Variants in VPS8 observed in about 807,000 individuals in gnomAD.
VPS8 encodes the protein vacuolar protein sorting-associated protein 8 homolog.
In VPS8, 129 loss-of-function variants were observed where a neutral mutation model predicts 216.4. The observed-to-expected ratio is 0.60, with a 90% CI of 0.52 to 0.69. The LOEUF is 0.69. Ranked by LOEUF, VPS8 falls within the 30% of genes least tolerant of loss-of-function variation. The pLI, the probability that VPS8 is intolerant of heterozygous loss-of-function variation, is 0.00. For missense variants in VPS8, 1,531 were observed against 1,683.5 expected, an observed-to-expected ratio of 0.91 and a Z score of 1.59; for synonymous variants, 571 against 565.4, an observed-to-expected ratio of 1.01 and a Z score of -0.14.
rs566999308 is a variant in VPS8, at chr3:184,950,065, A to G, written c.3036-7309A>G. Reference sequence around the variant, plus strand: ...ACTGGGATTACAGGTACGCACCACCACGCCCTAATTTTTTATGTTTTTAGT... The same window carrying G: ...ACTGGGATTACAGGTACGCACCACCGCGCCCTAATTTTTTATGTTTTTAGT... On this transcript the variant is annotated intron_variant, in intron 36 of 47. Coordinates refer to ENST00000625842, the MANE Select transcript of VPS8 (RefSeq NM_001009921.3). Among the ~76,000 whole-genome samples, 49 of 150,926 alleles carry G rather than the reference A, an allele frequency of 3.2e-4. 1 individual carries two copies. In the South Asian group the frequency reaches 0.01, roughly 32 times the overall value.
At chr3:184,824,314 C>T (rs897571852) in intron 1 of VPS8, 1 of 226,174 alleles carries the variant, frequency 4.4e-6, no homozygotes, top group Admixed American at 5.1e-5. Context: ...CTTTGGGTGG[C>T]GGGCCACTTC....
At chr3:184,816,912 AATC>A (rs1231333088) in intron 1 of VPS8, among the ~76,000 whole-genome samples, 1 of 152,124 alleles carries the variant, frequency 6.6e-6, no homozygotes, top group East Asian at 1.9e-4. Context: ...TGATTCATAG[AATC>A]ATCTATATGA....
chr3:184,965,290 A>C (rs1226218564), intron 38 of VPS8, among the ~76,000 whole-genome samples: 2 of 152,244 alleles, frequency 1.3e-5, no homozygotes, highest in African/African-American at 4.8e-5. Context: ...AATCATCCAC[A>C]GAGGCTTTGT....
Position 184,912,160 on chromosome 3 carries a change from G to A in VPS8, c.2147-1359G>A, listed in dbSNP as rs1424601885. 7.2e-5 allele frequency among the ~76,000 whole-genome samples: 11 copies of A among 152,176 alleles called. 1 individual carries two copies. Among genetic ancestry groups the A allele is most frequent in the East Asian group, 1.9e-4 (1 of 5,196 alleles). On this transcript the variant is annotated intron_variant, in intron 25 of 47. Coordinates refer to ENST00000625842, the MANE Select transcript of VPS8 (RefSeq NM_001009921.3). Reference sequence around the variant, plus strand: ...AAAGTTAAGCCCCTTCCTCGGGGCCGAGAGAATTTTGAGCGTTAGCCTTCT... The same window carrying A: ...AAAGTTAAGCCCCTTCCTCGGGGCCAAGAGAATTTTGAGCGTTAGCCTTCT...
At chr3:184,839,599 T>C in intron 6 of VPS8, 99 bp from the exon 7 acceptor site, 3 of 1,130,800 alleles carry the variant, frequency 2.7e-6, no homozygotes, top group Admixed American at 2.5e-5. Flanking sequence ...TTGTATGTCA[T>C]CTGGTGCCTA....
At chr3:185,034,753 A>G (rs1011598554) in intron 46 of VPS8, among the ~76,000 whole-genome samples, 4 of 152,066 alleles carry the variant, frequency 2.6e-5, no homozygotes, top group South Asian at 2.1e-4. Context: ...ATTTGTTGCA[A>G]TTGCTTTTGG....
chr3:185,049,736 C>A (rs1471392913), intron 47 of VPS8, among the ~76,000 whole-genome samples: 1 of 152,174 alleles, frequency 6.6e-6, no homozygotes, highest in Non-Finnish European at 1.5e-5. Context: ...CTGAGCTTGT[C>A]TCGAGCTTGT....
At chr3:184,884,479 A>G (rs1730846316) in intron 21 of VPS8, among the ~76,000 whole-genome samples, 1 of 152,144 alleles carries the variant, frequency 6.6e-6, no homozygotes, top group Non-Finnish European at 1.5e-5. Context: ...TTCTCATACT[A>G]AGGAGATAGT....
At chr3:185,029,511 A>G (rs1577217555) in intron 46 of VPS8, among the ~76,000 whole-genome samples, 1 of 151,178 alleles carries the variant, frequency 6.6e-6, no homozygotes, top group Non-Finnish European at 1.5e-5. Flanking sequence ...TTAGAATGTC[A>G]CTGTTCCACT....
chr3:184,926,348 G>T (rs2109193724), intron 30 of VPS8, among the ~76,000 whole-genome samples: 1 of 150,866 alleles, frequency 6.6e-6, no homozygotes, highest in Middle Eastern at 3.4e-3. Context: ...CTGCACTCCA[G>T]CCTGGGCGAC....
chr3:184,984,183 C>CAAAAAAAAAAAAAAAAAAAAAAAAAAAA (rs1453935100), intron 42 of VPS8, among the ~76,000 whole-genome samples: 148 of 2,886 alleles, frequency 0.051, 74 homozygotes, highest in Non-Finnish European at 0.057. Context: ...GACTCCGTCT[C>CAAAAAAAAAAAAAAAAAAAAAAAAAAAA]AAAAAAAAAA....
chr3:184,889,857 G>C (rs905815336), intron 22 of VPS8, among the ~76,000 whole-genome samples: 2 of 152,142 alleles, frequency 1.3e-5, no homozygotes, highest in African/African-American at 4.8e-5. Flanking sequence ...AACTTAGAAG[G>C]AAAGATTGAA....
intron 1 of VPS8, chr3:184,815,909 A>G (rs951826293): frequency 3.9e-5 from 6 of 152,134 alleles, no homozygotes; most frequent in African/African-American, 1.4e-4. Flanking sequence ...GTTAATTGCA[A>G]ATTAATAAAG....
At chr3:184,950,081 T>C (rs538295964) in intron 36 of VPS8, among the ~76,000 whole-genome samples, 176 of 152,100 alleles carry the variant, frequency 1.2e-3, no homozygotes, top group Non-Finnish European at 1.9e-3. Context: ...TAATTTTTTA[T>C]GTTTTTAGTA....
At chr3:184,819,159 C>T (rs1716993071) in intron 1 of VPS8, among the ~76,000 whole-genome samples, 1 of 151,892 alleles carries the variant, frequency 6.6e-6, no homozygotes, top group South Asian at 2.1e-4. Context: ...TTGGGAATAA[C>T]AATTAAGAGG....
chr3:184,849,136 T>A lies in VPS8; in HGVS notation c.607T>A (p.Ser203Thr), dbSNP rs1218003768. 1 of 1,613,704 alleles carries A rather than the reference T, an allele frequency of 6.2e-7. No homozygotes were observed. Among genetic ancestry groups the A allele is most frequent in the Non-Finnish European group, 8.5e-7 (1 of 1,179,658 alleles). The stretch of plus-strand genomic sequence containing the variant: ...TGTTGGAGGTCAGTATGGCGCTATC[T>A]CTGCCCTCAGTATCAACAATGATTG... ...TSVGGQYGAI[S>T]ALSINNDCSR... The change falls in exon 9 of 48, where the codon TCT (serine) becomes ACT (threonine). Residue 203 changes from serine to threonine, a missense_variant. Around this residue, in one of 3 missense-constraint regions of VPS8, gnomAD observed 1,318 missense variants for 1,468.4 expected, o/e 0.90. Coordinates refer to ENST00000625842, the MANE Select transcript of VPS8 (RefSeq NM_001009921.3).
intron 45 of VPS8, among the ~76,000 whole-genome samples, chr3:185,012,671 A>AG (rs1380455008): frequency 6.6e-6 from 1 of 152,168 alleles, no homozygotes; most frequent in Non-Finnish European, 1.5e-5. Context: ...ATTTAAAAAA[A>AG]AAAAGAGGCC....
chr3:185,036,936 CATATTAT>C (rs1204643651), intron 46 of VPS8, among the ~76,000 whole-genome samples: 2 of 152,002 alleles, frequency 1.3e-5, no homozygotes, highest in Non-Finnish European at 2.9e-5. Context: ...TACATTTCTA[CATATTAT>C]AAGCCCAACA....
chr3:184,988,358 G>C (rs1751425353), intron 42 of VPS8, among the ~76,000 whole-genome samples: 1 of 152,196 alleles, frequency 6.6e-6, no homozygotes, highest in African/African-American at 2.4e-5. Context: ...TATATGGTCA[G>C]TGTTGATTCA....
Sources: gnomAD v4.1 joint callset for allele counts (sites outside exome capture counted in the v4.1 genomes callset) on GRCh38, gnomAD v4.1.1 for gene constraint, gnomAD v4.1.1 regional missense constraint, MANE v1.5 for transcripts, NCBI Gene and HGNC (gene_info 2026-07-23, HGNC 2026-07-21) for gene names.